Variants in PTPRE observed in about 807,000 individuals in gnomAD.
PTPRE encodes the protein protein tyrosine phosphatase receptor type E.
A neutral mutation model predicts 102.0 loss-of-function variants in PTPRE; 51 were observed. The observed-to-expected ratio is 0.50, with a 90% CI of 0.40 to 0.63. PTPRE has a LOEUF of 0.63. Among genes scored for constraint, PTPRE ranks in the 30% least tolerant of loss-of-function variants. PTPRE has a pLI of 0.00. For synonymous variants in PTPRE, 345 were observed against 348.2 expected, an observed-to-expected ratio of 0.99 and a Z score of 0.10; for missense variants, 752 against 915.1, an observed-to-expected ratio of 0.82 and a Z score of 2.30.
chr10:128,082,043 G>A (rs961149073), intron 20 of PTPRE, among the ~76,000 whole-genome samples: 1 of 152,172 alleles, frequency 6.6e-6, no homozygotes, highest in African/African-American at 2.4e-5. Flanking sequence ...CCACCCAGGG[G>A]TCTGGGAGGA....
In PTPRE at chr10:128,047,417, C is replaced by T. The variant is rs147945009; in HGVS notation, c.137C>T (p.Pro46Leu). 1.8e-4 allele frequency: 296 copies of T among 1,613,162 alleles called. No homozygotes were observed. The highest frequency in any genetic ancestry group is 3.5e-4 in the Middle Eastern group (2 of 5,760). Reference sequence around the variant, plus strand: ...CCTCCGGACCCGGGCGCCTCCCAGCCGCTGCTGGCCTGGCTGCTACTGCCG... The same window carrying T: ...CCTCCGGACCCGGGCGCCTCCCAGCTGCTGCTGGCCTGGCTGCTACTGCCG... ...SGPPDPGASQPLLAWLLLPLL... is the reference protein window; with the variant it reads ...SGPPDPGASQLLLAWLLLPLL... The change falls in exon 4 of 21, where the codon CCG becomes CTG. Residue 46 changes from proline (P) to leucine (L), a missense_variant. Pro to Leu is a moderately conservative substitution (Grantham distance 98). Transcript: ENST00000254667.
In PTPRE at chr10:128,011,506, C is replaced by T. The variant is rs543034760; in HGVS notation, c.-8+29210C>T. 5.3e-5 allele frequency among the ~76,000 whole-genome samples: 8 copies of T among 152,312 alleles called. No homozygotes were observed. In the South Asian group the frequency reaches 1.0e-3, roughly 20 times the overall value. On this transcript the variant is annotated intron_variant, in intron 2 of 20. Coordinates refer to ENST00000254667, the MANE Select transcript of PTPRE (RefSeq NM_006504.6). ...GTAGACGTTCCTGTGGCTTACCCGA[C>T]GGTGCCACCTTCTGGTCACCTCTGG... is the stretch of plus-strand genomic sequence containing the variant.
At chr10:127,990,494 CCTT>C (rs1017547704) in intron 2 of PTPRE, among the ~76,000 whole-genome samples, 2 of 151,696 alleles carry the variant, frequency 1.3e-5, no homozygotes, top group African/African-American at 4.8e-5. Flanking sequence ...CTGAGTCACA[CCTT>C]CTTGGTCTAA....
At chr10:127,968,366 A>G (rs1365710071) in intron 1 of PTPRE, among the ~76,000 whole-genome samples, 1 of 152,160 alleles carries the variant, frequency 6.6e-6, no homozygotes, top group Non-Finnish European at 1.5e-5. Flanking sequence ...CACCGTGTGA[A>G]ACCTGATGTC....
chr10:128,009,200 C>A (rs1201947106), intron 2 of PTPRE, among the ~76,000 whole-genome samples: 1 of 152,118 alleles, frequency 6.6e-6, no homozygotes, highest in Non-Finnish European at 1.5e-5. Context: ...AATTGGGGTC[C>A]CCTTTAAATT....
At chr10:127,929,150 G>T (rs987681387) in intron 1 of PTPRE, among the ~76,000 whole-genome samples, 3 of 152,150 alleles carry the variant, frequency 2.0e-5, no homozygotes, top group African/African-American at 7.2e-5. Context: ...TGTATTTGGA[G>T]GAATGAGTTT....
chr10:127,923,797 C>T (rs561560257), intron 1 of PTPRE, among the ~76,000 whole-genome samples: 5 of 152,292 alleles, frequency 3.3e-5, no homozygotes, highest in South Asian at 4.1e-4. Context: ...AGTTTACTTC[C>T]GGGTATCTCT....
Position 128,040,998 on chromosome 10 carries a change from C to A in PTPRE, c.109+8C>A. 2 of 1,612,782 alleles carry A rather than the reference C, an allele frequency of 1.2e-6. No homozygotes were observed. Among genetic ancestry groups the A allele is most frequent in the Non-Finnish European group, 1.7e-6 (2 of 1,178,992 alleles). On this transcript the variant is annotated splice_region_variant and intron_variant, in intron 3 of 20. Coordinates refer to ENST00000254667, the MANE Select transcript of PTPRE (RefSeq NM_006504.6). ...AGACAACCACGACCTCAGGTAAGGA[C>A]CCCTTTCCCTGGCTGCCTCCCCTAC...
intron 2 of PTPRE, among the ~76,000 whole-genome samples, chr10:128,033,151 G>A (rs1564905878): frequency 6.6e-6 from 1 of 152,234 alleles, no homozygotes; most frequent in Non-Finnish European, 1.5e-5. Context: ...CCCTGCACCT[G>A]AGGATGATAA....
intron 1 of PTPRE, among the ~76,000 whole-genome samples, chr10:127,930,661 A>C (rs1847361438): frequency 6.6e-6 from 1 of 152,212 alleles, no homozygotes; most frequent in African/African-American, 2.4e-5. Context: ...TCACATGTTA[A>C]GTGTGTTTAA....
At chr10:127,983,802 G>T (rs1382382786) in intron 2 of PTPRE, among the ~76,000 whole-genome samples, 1 of 152,102 alleles carries the variant, frequency 6.6e-6, no homozygotes, top group African/African-American at 2.4e-5. Flanking sequence ...ATTCCTCCCA[G>T]CAAGTTGACC....
intron 1 of PTPRE, among the ~76,000 whole-genome samples, chr10:127,935,282 G>A (rs541410558): frequency 6.6e-6 from 1 of 152,294 alleles, no homozygotes; most frequent in South Asian, 2.1e-4. Context: ...GGCAGGATGC[G>A]GTTGCGTCAG....
At chr10:128,021,559 T>G (rs1845890725) in intron 2 of PTPRE, among the ~76,000 whole-genome samples, 1 of 152,202 alleles carries the variant, frequency 6.6e-6, no homozygotes, top group Non-Finnish European at 1.5e-5. Flanking sequence ...GTACCCAGCA[T>G]TAGCACAATC....
At chr10:128,022,835 TGA>T (rs1846010546) in intron 2 of PTPRE, among the ~76,000 whole-genome samples, 1 of 152,216 alleles carries the variant, frequency 6.6e-6, no homozygotes, top group African/African-American at 2.4e-5. Flanking sequence ...GGCCAGGAGA[TGA>T]CGGTCGATTG....
At chr10:127,955,098 C>T (rs528920789) in intron 1 of PTPRE, among the ~76,000 whole-genome samples, 1 of 152,162 alleles carries the variant, frequency 6.6e-6, no homozygotes, top group Non-Finnish European at 1.5e-5. Flanking sequence ...GGAAGATCTT[C>T]TGGAATACAG....
chr10:127,982,037 AC>A (rs1304796819), intron 1 of PTPRE, among the ~76,000 whole-genome samples: 1 of 152,066 alleles, frequency 6.6e-6, no homozygotes, highest in African/African-American at 2.4e-5. Context: ...CAGTGGCCAC[AC>A]CCCACCATCA....
chr10:127,985,057 C>A (rs924131493), intron 2 of PTPRE, among the ~76,000 whole-genome samples: 9 of 152,188 alleles, frequency 5.9e-5, no homozygotes, highest in Non-Finnish European at 1.0e-4. Context: ...GCTTTTGAGT[C>A]AGTTAGAACT....
intron 2 of PTPRE, among the ~76,000 whole-genome samples, chr10:127,994,730 G>A (rs1406442744): frequency 6.6e-6 from 1 of 151,968 alleles, no homozygotes; most frequent in East Asian, 1.9e-4. Context: ...GTTTTATTTT[G>A]TGGCCATGCA....
intron 5 of PTPRE, among the ~76,000 whole-genome samples, chr10:128,048,715 C>A (rs1388192155): frequency 6.6e-6 from 1 of 152,062 alleles, no homozygotes; most frequent in Admixed American, 6.6e-5. Context: ...GAGGAGGGTG[C>A]GGCTAGTGAG....
Sources: allele counts gnomAD v4.1 joint callset (sites outside exome capture counted in the v4.1 genomes callset), GRCh38; gene constraint gnomAD v4.1.1; transcripts MANE v1.5; gene names NCBI Gene and HGNC (gene_info 2026-07-23, HGNC 2026-07-21).